The following CDH13 variants were observed in gnomAD, a reference collection of about 807,000 sequenced individuals.
CDH13 encodes cadherin 13.
Under a neutral mutation model 63.8 loss-of-function variants are expected in CDH13, and 24 were observed. The observed-to-expected ratio is 0.38, with a 90% CI of 0.27 to 0.53. The LOEUF is 0.53. Ranked by LOEUF, CDH13 falls within the 20% of genes least tolerant of loss-of-function variation. CDH13 has a pLI of 0.85. For synonymous variants in CDH13, 503 were observed against 355.3 expected (o/e 1.42, Z -4.67); for missense variants, 1,049 against 903.1 (o/e 1.16, Z -2.07).
At chr16:83,393,422 G>C (rs1490774247) in intron 6 of CDH13, among the ~76,000 whole-genome samples, 2 of 152,132 alleles carry the variant, frequency 1.3e-5, no homozygotes, top group South Asian at 2.1e-4. Context: ...CCTTTCCCTA[G>C]AGATGTGAGG....
At chr16:83,595,423 C>G (rs1833971) in intron 7 of CDH13, among the ~76,000 whole-genome samples, 14,096 of 152,194 alleles carry the variant, frequency 0.093, 1,197 homozygotes, top group African/African-American at 0.22. Context: ...ACTTTGTCAT[C>G]CACTTAGGGA....
chr16:82,628,103 A>ACT (rs1907570765), intron 1 of CDH13, among the ~76,000 whole-genome samples: 2 of 152,210 alleles, frequency 1.3e-5, no homozygotes, highest in Non-Finnish European at 2.9e-5. Flanking sequence ...CTCCGAGGCC[A>ACT]GGCCTGGGGT....
chr16:83,142,154 G>GTTTTTTTTT (rs1010118688), intron 4 of CDH13, among the ~76,000 whole-genome samples: 3 of 113,622 alleles, frequency 2.6e-5, no homozygotes, highest in African/African-American at 9.8e-5. Context: ...TTGTTTGTTT[G>GTTTTTTTTT]TTTTTGTTTT....
At chr16:83,193,981 G>A (rs1215590300) in intron 4 of CDH13, among the ~76,000 whole-genome samples, 1 of 152,150 alleles carries the variant, frequency 6.6e-6, no homozygotes, top group Non-Finnish European at 1.5e-5. Context: ...CCCACAATAC[G>A]AGGAGGGAAG....
intron 4 of CDH13, among the ~76,000 whole-genome samples, chr16:83,134,588 AGAGAGT>A (rs1475323848): frequency 0.028 from 1,429 of 51,842 alleles, 101 homozygotes; most frequent in African/African-American, 0.051. Flanking sequence ...AGAGAGAGAG[AGAGAGT>A]GAGTTACATG....
chr16:83,338,953 A>T (rs2090662359), intron 5 of CDH13, among the ~76,000 whole-genome samples: 1 of 152,208 alleles, frequency 6.6e-6, no homozygotes, highest in Non-Finnish European at 1.5e-5. Context: ...TATCCAATAG[A>T]GGGTGACATA....
At chr16:83,297,807 A>C (rs2089637654) in intron 5 of CDH13, among the ~76,000 whole-genome samples, 1 of 152,210 alleles carries the variant, frequency 6.6e-6, no homozygotes, top group Non-Finnish European at 1.5e-5. Context: ...GACTAATCGA[A>C]GGACATTCAA....
At chr16:82,808,539 A>T (rs1236804045) in intron 1 of CDH13, among the ~76,000 whole-genome samples, 1 of 152,332 alleles carries the variant, frequency 6.6e-6, no homozygotes, top group East Asian at 1.9e-4. Flanking sequence ...TGAAAAGGCA[A>T]GTGATAGGTA....
intron 4 of CDH13, among the ~76,000 whole-genome samples, chr16:83,207,494 T>G (rs2039216613): frequency 6.6e-6 from 1 of 152,222 alleles, no homozygotes; most frequent in African/African-American, 2.4e-5. Flanking sequence ...TGTACACATA[T>G]AGGTACACAT....
At chr16:83,441,076 T>A (rs1188111588) in intron 6 of CDH13, among the ~76,000 whole-genome samples, 5 of 152,168 alleles carry the variant, frequency 3.3e-5, no homozygotes, top group African/African-American at 1.2e-4. Context: ...CAGAGAGATG[T>A]TTACAACAGC....
At chr16:83,027,104 C>A (rs1336984809) in intron 2 of CDH13, among the ~76,000 whole-genome samples, 4 of 86,166 alleles carry the variant, frequency 4.6e-5, no homozygotes, top group African/African-American at 1.6e-4. Context: ...GAAGGGAGAC[C>A]CCCCCCCCCC....
intron 2 of CDH13, among the ~76,000 whole-genome samples, chr16:82,984,025 C>G (rs976689523): frequency 6.6e-6 from 1 of 152,222 alleles, no homozygotes; most frequent in Non-Finnish European, 1.5e-5. Flanking sequence ...GGGAAGCCCA[C>G]AAGACCTTCC....
At position 83,023,714 on chromosome 16, in the gene CDH13, G is replaced by C. The variant is rs77305836; in HGVS notation, c.158-8296G>C. ...ATATGGTCTTGATATCTACTTAAAA[G>C]TTTGAGAATCACTGACACTTTGGTG... On this transcript the variant is annotated intron_variant, in intron 2 of 13. Coordinates refer to ENST00000567109, the MANE Select transcript of CDH13 (RefSeq NM_001257.5). 7.4e-3 allele frequency among the ~76,000 whole-genome samples: 1,125 copies of C among 152,280 alleles called. 8 individuals carry two copies. The highest frequency in any genetic ancestry group is 0.013 in the Non-Finnish European group (905 of 68,014).
At chr16:82,874,340 T>C (rs1049781835) in intron 2 of CDH13, among the ~76,000 whole-genome samples, 3 of 152,100 alleles carry the variant, frequency 2.0e-5, no homozygotes, top group Non-Finnish European at 2.9e-5. Context: ...TGAGTTGGCG[T>C]CTTCACATCC....
rs72032168 is a variant in CDH13 at position 83,621,475 on chromosome 16, CTTTTTTTTTTTTTTT to C, written c.1101+18896_1101+18910del. On this transcript the variant is annotated intron_variant, in intron 8 of 13. Transcript: ENST00000567109. ...GCCCTCTTGCTCTCACCTCACCTGC[CTTTTTTTTTTTTTTT>C]TTTTTTTTTTTTTTGAGATGGAGTT... Among the ~76,000 whole-genome samples the C allele has an allele frequency of 7.7e-3, 220 of 28,534 alleles. 11 individuals carry two copies. The East Asian group carries it at 0.19, about 24-fold the overall frequency. 18.7% of individuals were successfully genotyped at this position (28,534 alleles called of 152,430 possible).
At chr16:83,252,662 G>C (rs919806086) in intron 5 of CDH13, among the ~76,000 whole-genome samples, 19 of 152,214 alleles carry the variant, frequency 1.2e-4, no homozygotes, top group African/African-American at 4.3e-4. Context: ...GGCCAACCTG[G>C]GGCGAAGGTG....
chr16:83,373,106 G>C (rs1011547537), intron 6 of CDH13, among the ~76,000 whole-genome samples: 1 of 152,166 alleles, frequency 6.6e-6, no homozygotes, highest in Non-Finnish European at 1.5e-5. Context: ...CAGAGTTTGG[G>C]CATATTTGGG....
At chr16:83,649,015 A>G (rs1400629332) in intron 8 of CDH13, among the ~76,000 whole-genome samples, 1 of 152,168 alleles carries the variant, frequency 6.6e-6, no homozygotes, top group African/African-American at 2.4e-5. Flanking sequence ...ACATCTTATC[A>G]CTGGGGAAGG....
chr16:82,735,474 G>A (rs751922451), intron 1 of CDH13, among the ~76,000 whole-genome samples: 2 of 152,234 alleles, frequency 1.3e-5, no homozygotes, highest in Admixed American at 6.5e-5. Context: ...ATGAACTAGA[G>A]TATCGCCTTG....
Sources: gnomAD v4.1 joint callset for allele counts (sites outside exome capture counted in the v4.1 genomes callset) on GRCh38, gnomAD v4.1.1 for gene constraint, MANE v1.5 for transcripts, NCBI Gene and HGNC (gene_info 2026-07-23, HGNC 2026-07-21) for gene names.